NALF1: variants seen among roughly 807,000 people sequenced by gnomAD.
NALF1 encodes family with sequence similarity 155 member A.
In NALF1, 3 loss-of-function variants were observed where a neutral mutation model predicts 48.4. That is an observed-to-expected ratio of 0.06 (90% CI 0.03 to 0.16). The LOEUF (loss-of-function observed/expected upper bound fraction) is 0.16, where lower values mean the gene tolerates loss of function less well. Ranked by LOEUF, NALF1 falls within the 10% of genes least tolerant of loss-of-function variation. The pLI, the probability that NALF1 is intolerant of heterozygous loss-of-function variation, is 1.00. For missense variants in NALF1, 526 were observed against 571.5 expected (o/e 0.92, Z 0.81); for synonymous variants, 262 against 245.7 (o/e 1.07, Z -0.62).
intron 1 of NALF1, among the ~76,000 whole-genome samples, chr13:107,765,114 A>G (rs1021133972): frequency 2.0e-5 from 3 of 152,150 alleles, no homozygotes; most frequent in Non-Finnish European, 4.4e-5. Flanking sequence ...AACTGAATGG[A>G]AAGAAAATAT....
chr13:107,292,690 T>C (rs951659033), intron 1 of NALF1, among the ~76,000 whole-genome samples: 1 of 152,158 alleles, frequency 6.6e-6, no homozygotes, highest in African/African-American at 2.4e-5. Context: ...TAATACCTAT[T>C]GATGAACCTG....
intron 1 of NALF1, among the ~76,000 whole-genome samples, chr13:107,288,306 G>T (rs866019850): frequency 9.9e-5 from 14 of 141,522 alleles, no homozygotes; most frequent in Middle Eastern, 4.2e-3. Flanking sequence ...TGCAAGCTCC[G>T]CCTCCCGGGT....
intron 1 of NALF1, among the ~76,000 whole-genome samples, chr13:107,274,216 G>T (rs186001458): frequency 6.6e-6 from 1 of 151,984 alleles, no homozygotes. Flanking sequence ...TTTCTTTTTA[G>T]AACATCTACG....
chr13:107,749,804 G>A (rs1876882870), intron 1 of NALF1, among the ~76,000 whole-genome samples: 1 of 149,036 alleles, frequency 6.7e-6, no homozygotes, highest in African/African-American at 2.5e-5. Context: ...TTTTTTTGTT[G>A]TGGTGGTTTG....
Position 107,721,795 on chromosome 13 carries a change from G to C in NALF1, c.915+143887C>G, listed in dbSNP as rs570393592. ...AAGCAGAATATATAAAATCCTCTCT[G>C]TTCTCTCCCGGAGGAGAGGGAACTG... On this transcript the variant is annotated intron_variant, in intron 1 of 2. Coordinates refer to ENST00000375915, the MANE Select transcript of NALF1 (RefSeq NM_001080396.3). Among the ~76,000 whole-genome samples the C allele has an allele frequency of 6.6e-4, 100 of 152,274 alleles. 1 individual carries two copies. Among genetic ancestry groups the C allele is most frequent in the Non-Finnish European group, 1.2e-3 (84 of 68,032 alleles).
intron 1 of NALF1, among the ~76,000 whole-genome samples, chr13:107,455,237 G>A: frequency 6.6e-6 from 1 of 152,018 alleles, no homozygotes; most frequent in East Asian, 1.9e-4. Context: ...AATTAAACTT[G>A]CTTTCTTTAT....
At chr13:107,344,169 A>T (rs1356012731) in intron 1 of NALF1, among the ~76,000 whole-genome samples, 1 of 152,182 alleles carries the variant, frequency 6.6e-6, no homozygotes, top group East Asian at 1.9e-4. Flanking sequence ...CAGATTTATA[A>T]CTATTAAGAA....
intron 1 of NALF1, among the ~76,000 whole-genome samples, chr13:107,849,315 T>C (rs1298989314): frequency 2.0e-5 from 3 of 152,216 alleles, no homozygotes; most frequent in African/African-American, 7.2e-5. Context: ...CTGCACATCC[T>C]AGGGAAGTTA....
rs567892707 is a variant in NALF1 at position 107,794,558 on chromosome 13, C to T, written c.915+71124G>A. Among the ~76,000 whole-genome samples the T allele has an allele frequency of 6.1e-5, 9 of 148,262 alleles. No homozygotes were observed. In the South Asian group the frequency reaches 1.9e-3, roughly 31 times the overall value. On this transcript the variant is annotated intron_variant, in intron 1 of 2. Coordinates refer to ENST00000375915, the MANE Select transcript of NALF1 (RefSeq NM_001080396.3). ...AAAAACAAAAAAACATTTTCACCCACCAAAAAAAGAAAAAAAAAGAATCCT... is the reference window on the plus strand; with the variant it reads ...AAAAACAAAAAAACATTTTCACCCATCAAAAAAAGAAAAAAAAAGAATCCT...
chr13:107,793,246 C>T (rs79162172), intron 1 of NALF1, among the ~76,000 whole-genome samples: 1 of 152,146 alleles, frequency 6.6e-6, no homozygotes, highest in African/African-American at 2.4e-5. Context: ...TTTTCATACG[C>T]TCCATATTAT....
intron 1 of NALF1, among the ~76,000 whole-genome samples, chr13:107,804,332 G>A (rs1222766458): frequency 6.6e-6 from 1 of 151,990 alleles, no homozygotes; most frequent in East Asian, 1.9e-4. Flanking sequence ...GGGAGACAGA[G>A]AGAAAAAGAC....
Position 107,169,453 on chromosome 13 carries a change from T to G in NALF1, c.*1044A>C, listed in dbSNP as rs1878744293. 6.6e-6 allele frequency: 1 copy of G among 152,036 alleles called. No individual in the cohort carries two copies. Among genetic ancestry groups the G allele is most frequent in the Non-Finnish European group, 1.5e-5 (1 of 68,030 alleles). The allele number at this position is 152,036 out of a possible 1,614,324, so 9.4% of individuals were successfully genotyped here. On this transcript the variant is annotated 3_prime_UTR_variant, in exon 3 of 3. Coordinates refer to ENST00000375915, the MANE Select transcript of NALF1 (RefSeq NM_001080396.3). ...TTCCCTGTAATTACAATGGCCAAAATGTGCTCCTATATTACTGCAACAGAA... is the reference window on the plus strand; with the variant it reads ...TTCCCTGTAATTACAATGGCCAAAAGGTGCTCCTATATTACTGCAACAGAA...
At chr13:107,538,345 G>C (rs1566383880) in intron 1 of NALF1, among the ~76,000 whole-genome samples, 1 of 151,758 alleles carries the variant, frequency 6.6e-6, no homozygotes, top group Non-Finnish European at 1.5e-5. Flanking sequence ...ATTTTCTTTT[G>C]AATCCCCCCT....
At chr13:107,402,035 A>G (rs1415124575) in intron 1 of NALF1, among the ~76,000 whole-genome samples, 3 of 152,270 alleles carry the variant, frequency 2.0e-5, no homozygotes, top group South Asian at 2.1e-4. Context: ...TTCATGCCTA[A>G]GAGTAGTCCC....
At chr13:107,279,249 G>GT (rs527825270) in intron 1 of NALF1, among the ~76,000 whole-genome samples, 118 of 151,000 alleles carry the variant, frequency 7.8e-4, no homozygotes, top group South Asian at 3.6e-3. Context: ...TTTTCTCTCT[G>GT]TTTTTTTTGT....
intron 1 of NALF1, among the ~76,000 whole-genome samples, chr13:107,707,840 T>C (rs1875444646): frequency 6.6e-6 from 1 of 152,206 alleles, no homozygotes; most frequent in Non-Finnish European, 1.5e-5. Flanking sequence ...TGTCTTTTGC[T>C]TGCAAATAAT....
chr13:107,179,320 T>G (rs1442556155), intron 2 of NALF1, among the ~76,000 whole-genome samples: 1 of 152,102 alleles, frequency 6.6e-6, no homozygotes, highest in Non-Finnish European at 1.5e-5. Context: ...ATTAAAACGA[T>G]TGAACTCATG....
intron 1 of NALF1, among the ~76,000 whole-genome samples, chr13:107,606,035 C>A (rs557045291): frequency 1.5e-4 from 23 of 152,262 alleles, no homozygotes; most frequent in African/African-American, 5.5e-4. Flanking sequence ...AAATACCCTA[C>A]AGCACACAAG....
chr13:107,298,372 A>AAAAAAAAAAAAAAAAAAAC (rs1362863863), intron 1 of NALF1, among the ~76,000 whole-genome samples: 1 of 149,632 alleles, frequency 6.7e-6, no homozygotes, highest in Admixed American at 6.7e-5. Context: ...AAAAAAAAAA[A>AAAAAAAAAAAAAAAAAAAC]AAAAAAAAGA....
Sources: gnomAD v4.1 joint callset for allele counts (sites outside exome capture counted in the v4.1 genomes callset) on GRCh38, gnomAD v4.1.1 for gene constraint, MANE v1.5 for transcripts, NCBI Gene and HGNC (gene_info 2026-07-23, HGNC 2026-07-21) for gene names.